The following AKAP12 variants were observed in gnomAD, a reference collection of about 807,000 sequenced individuals.
AKAP12 encodes the protein A-kinase anchor protein 12.
A neutral mutation model predicts 79.9 loss-of-function variants in AKAP12; 32 were observed. That is an observed-to-expected ratio of 0.40 (90% CI 0.30 to 0.54). The LOEUF (loss-of-function observed/expected upper bound fraction) is 0.54, where lower values mean the gene tolerates loss of function less well. Ranked by LOEUF, AKAP12 falls within the 20% of genes least tolerant of loss-of-function variation. The probability of loss-of-function intolerance (pLI) is 0.48; values close to 1 mark genes in which losing one functional copy is unlikely to be tolerated. For missense variants in AKAP12, 2,074 were observed against 2,177.0 expected, an observed-to-expected ratio of 0.95 and a Z score of 0.94; for synonymous variants, 808 against 857.0, an observed-to-expected ratio of 0.94 and a Z score of 1.00.
chr6:151,282,133 G>T (rs887785531), intron 2 of AKAP12, among the ~76,000 whole-genome samples: 2 of 151,896 alleles, frequency 1.3e-5, no homozygotes, highest in Non-Finnish European at 2.9e-5. Context: ...GCCCAGGCTG[G>T]AATGCAGTGG....
chr6:151,337,524 A>AAAAAAAAAAGAAAG (rs535027217), intron 3 of AKAP12, among the ~76,000 whole-genome samples: 5 of 129,808 alleles, frequency 3.9e-5, no homozygotes, highest in African/African-American at 1.7e-4. Context: ...AAAAAAAAAA[A>AAAAAAAAAAGAAAG]AAAGAAAGAA....
At chr6:151,319,550 A>C (rs1403428173) in intron 3 of AKAP12, 1 of 89,820 alleles carries the variant, frequency 1.1e-5, no homozygotes, top group African/African-American at 5.5e-5. Context: ...AGATATAGAT[A>C]TATATATCTA....
intron 2 of AKAP12, among the ~76,000 whole-genome samples, chr6:151,276,992 G>A (rs553367770): frequency 1.3e-5 from 2 of 152,288 alleles, no homozygotes; most frequent in Non-Finnish European, 1.5e-5. Flanking sequence ...AGCAATTTAA[G>A]TCAAATCTTG....
intron 3 of AKAP12, among the ~76,000 whole-genome samples, chr6:151,312,991 T>G (rs12664268): frequency 6.6e-6 from 1 of 152,116 alleles, no homozygotes; most frequent in Admixed American, 6.6e-5. Context: ...CAGTTGGAGT[T>G]CACAGTATTA....
intron 2 of AKAP12, among the ~76,000 whole-genome samples, chr6:151,248,231 A>T (rs1797112618): frequency 6.6e-6 from 1 of 151,862 alleles, no homozygotes. Flanking sequence ...TTATTGAATT[A>T]GAATCCCAGG....
At chr6:151,271,090 A>G (rs773883357) in intron 2 of AKAP12, among the ~76,000 whole-genome samples, 16 of 152,138 alleles carry the variant, frequency 1.1e-4, no homozygotes, top group Non-Finnish European at 1.6e-4. Context: ...TGGTTGGTTA[A>G]GTATGTTTCC....
chr6:151,350,222 G>T lies in AKAP12; in HGVS notation c.1831G>T (p.Ala611Ser). Residue 611 changes from alanine (A) to serine (S), a missense_variant, in exon 4 of 5, where the codon GCA becomes TCA. By Grantham distance (99) the Ala-to-Ser change is moderately conservative (BLOSUM62 1). This residue lies in a region of AKAP12 where 1,428 missense variants were observed against 1,451.0 expected (regional missense o/e 0.98). Coordinates refer to ENST00000402676, the MANE Select transcript of AKAP12 (RefSeq NM_005100.4). The surrounding 1 kb of genome is among the most constrained non-coding windows in gnomAD (Gnocchi z 4.8). ...AAAAAGAGAAGGTGTCACTCCCTGG[G>T]CATCATTCAAAAAGATGGTGACGCC... is the stretch of plus-strand genomic sequence containing the variant. ...EKKREGVTPW[A>S]SFKKMVTPKK... is the part of the protein sequence containing the mutation. The T allele has an allele frequency of 6.2e-7, 1 of 1,613,982 alleles. No individual in the cohort carries two copies.
chr6:151,327,358 C>T (rs1385325841), intron 3 of AKAP12, among the ~76,000 whole-genome samples: 1 of 151,968 alleles, frequency 6.6e-6, no homozygotes, highest in Non-Finnish European at 1.5e-5. Flanking sequence ...AAGTTTATGC[C>T]ATATCTCGAA....
At chr6:151,348,320 G>C (rs2114821102) in intron 3 of AKAP12, 3 of 394,266 alleles carry the variant, frequency 7.6e-6, no homozygotes, top group Non-Finnish European at 1.5e-5. Context: ...GTGAGACTCT[G>C]TCTCAAAAAA....
intron 3 of AKAP12, among the ~76,000 whole-genome samples, chr6:151,334,046 G>T (rs1164368875): frequency 6.6e-6 from 1 of 151,738 alleles, no homozygotes; most frequent in East Asian, 1.9e-4. Context: ...GAGGTGGGAG[G>T]ATCACTTGAA....
chr6:151,270,079 A>C (rs1776150551), intron 2 of AKAP12, among the ~76,000 whole-genome samples: 1 of 152,082 alleles, frequency 6.6e-6, no homozygotes, highest in Non-Finnish European at 1.5e-5. Context: ...GTTGTTTGAG[A>C]CAGTCTCGCT....
At chr6:151,325,763 C>T in intron 3 of AKAP12, 3 of 1,602,620 alleles carry the variant, frequency 1.9e-6, no homozygotes, top group Non-Finnish European at 2.6e-6. Flanking sequence ...CTGATCCCGC[C>T]GAAACCACCT....
intron 3 of AKAP12, among the ~76,000 whole-genome samples, chr6:151,306,639 A>G (rs1181752631): frequency 6.6e-6 from 1 of 152,222 alleles, no homozygotes; most frequent in Non-Finnish European, 1.5e-5. Flanking sequence ...AAATGAAGGG[A>G]AAAGTCCTTT....
At chr6:151,295,428 C>G (rs1776703959) in intron 2 of AKAP12, among the ~76,000 whole-genome samples, 1 of 152,058 alleles carries the variant, frequency 6.6e-6, no homozygotes, top group Admixed American at 6.6e-5. Flanking sequence ...TGATGAGAAA[C>G]AGAAAAATCT....
chr6:151,292,104 A>G lies in AKAP12; in HGVS notation c.163-13643A>G, dbSNP rs562164928. On this transcript the variant is annotated intron_variant, in intron 2 of 4. Coordinates refer to ENST00000402676, the MANE Select transcript of AKAP12 (RefSeq NM_005100.4). Reference sequence around the variant, plus strand: ...GTTGTTTGTGGATTTGAAATTTGCTACTTTTTCATTCTGTATCTTACATTT... The same window carrying G: ...GTTGTTTGTGGATTTGAAATTTGCTGCTTTTTCATTCTGTATCTTACATTT... 6.6e-5 allele frequency among the ~76,000 whole-genome samples: 10 copies of G among 152,338 alleles called. No individual in the cohort carries two copies. In the East Asian group the frequency reaches 9.6e-4, roughly 15 times the overall value.
chr6:151,324,762 A>C, intron 3 of AKAP12: 1 of 985,410 alleles, frequency 1.0e-6, no homozygotes. Flanking sequence ...ATTGGAGTAC[A>C]AAAAAAGTGT....
chr6:151,353,789 T>C (rs1778366492), intron 4 of AKAP12, 37 bp downstream of exon 4: 1 of 1,421,796 alleles, frequency 7.0e-7, no homozygotes. Context: ...TTTTTCTCTT[T>C]TATGCCAATA....
intron 2 of AKAP12, among the ~76,000 whole-genome samples, chr6:151,268,955 T>TTTTTTTTTTTTTTTG: frequency 8.0e-6 from 1 of 124,486 alleles, no homozygotes; most frequent in Non-Finnish European, 1.7e-5. Context: ...GTTTTTTTTT[T>TTTTTTTTTTTTTTTG]TTTTTTTTTT....
intron 2 of AKAP12, among the ~76,000 whole-genome samples, chr6:151,261,380 C>T (rs7749964): frequency 0.055 from 8,249 of 151,008 alleles, 267 homozygotes; most frequent in African/African-American, 0.086. Context: ...AAAAAAAAAC[C>T]CATAAAATAA....
Sources: gnomAD v4.1 joint callset for allele counts (sites outside exome capture counted in the v4.1 genomes callset) on GRCh38, gnomAD v4.1.1 for gene constraint, gnomAD v4.1.1 regional missense constraint, Gnocchi (gnomAD v3.1) non-coding constraint, MANE v1.5 for transcripts, NCBI Gene and HGNC (gene_info 2026-07-23, HGNC 2026-07-21) for gene names.